The following KCNQ1 variants were observed in gnomAD, a reference collection of about 807,000 sequenced individuals.
KCNQ1 encodes the protein potassium voltage-gated channel subfamily Q member 1.
KCNQ1 carries 49 observed loss-of-function variants against 72.4 expected under a neutral mutation model. The ratio of observed to expected loss-of-function variants is 0.68; its 90% CI spans 0.54 to 0.86. The LOEUF (loss-of-function observed/expected upper bound fraction) is 0.86. Among genes scored for constraint, KCNQ1 ranks in the 40% least tolerant of loss-of-function variants. The pLI, the probability that KCNQ1 is intolerant of heterozygous loss-of-function variation, is 0.00. For synonymous variants in KCNQ1, 450 were observed against 412.6 expected, an observed-to-expected ratio of 1.09 and a Z score of -1.10; for missense variants, 790 against 945.1, an observed-to-expected ratio of 0.84 and a Z score of 2.15.
chr11:2,560,552 A>C, intron 2 of KCNQ1, among the ~76,000 whole-genome samples: 1 of 110,658 alleles, frequency 9.0e-6, no homozygotes, highest in African/African-American at 3.6e-5. Context: ...GGGGGGGGTG[A>C]CGTCCATCCT....
intron 10 of KCNQ1, chr11:2,629,595 T>C (rs1348401347): frequency 2.3e-5 from 9 of 398,408 alleles, no homozygotes; most frequent in Non-Finnish European, 4.0e-5. Flanking sequence ...AGAATCCATT[T>C]GCCATTGAAT....
intron 2 of KCNQ1, among the ~76,000 whole-genome samples, chr11:2,554,642 A>C (rs530913064): frequency 3.9e-5 from 6 of 152,284 alleles, no homozygotes; most frequent in African/African-American, 1.4e-4. Context: ...CAAAGATCAG[A>C]CTTTCTCTGT....
rs1846045868 is a variant in KCNQ1, at chr11:2,446,784, G to A, written c.386+1300G>A. Among the ~76,000 whole-genome samples the A allele has an allele frequency of 1.3e-5, 2 of 152,230 alleles. No homozygotes were observed. Among genetic ancestry groups the A allele is most frequent in the Non-Finnish European group, 2.9e-5 (2 of 68,030 alleles). ...AGCCCCTGTCTCCTGACATGTCAGTGGGTGCCTGAGCCACAGCCGCTGCTG... is the reference window on the plus strand; with the variant it reads ...AGCCCCTGTCTCCTGACATGTCAGTAGGTGCCTGAGCCACAGCCGCTGCTG... On this transcript the variant is annotated intron_variant, in intron 1 of 15. Coordinates refer to ENST00000155840, the MANE Select transcript of KCNQ1 (RefSeq NM_000218.3). The surrounding 1 kb of genome is among the most constrained non-coding windows in gnomAD (Gnocchi z 8.8).
At chr11:2,777,093 T>G in intron 14 of KCNQ1, 61 bp downstream of exon 14, 1 of 1,523,772 alleles carries the variant, frequency 6.6e-7, no homozygotes, top group Non-Finnish European at 9.1e-7. Flanking sequence ...CCCGCACCTC[T>G]GCCCTCCTGG....
rs1053664202 is a variant in KCNQ1 at position 2,787,106 on chromosome 11, C to G, written c.1794+9069C>G. Among the ~76,000 whole-genome samples, 1 of 152,130 alleles carries G rather than the reference C, an allele frequency of 6.6e-6. No individual in the cohort carries two copies. The highest frequency in any genetic ancestry group is 2.4e-5 in the African/African-American group (1 of 41,414). ...GTACTGCCAGCCTGGACTTTTAATT[C>G]TAGGCTCAAAGTTTTCTAGGCCACT... On this transcript the variant is annotated intron_variant, in intron 15 of 15. Coordinates refer to ENST00000155840, the MANE Select transcript of KCNQ1 (RefSeq NM_000218.3). The surrounding 1 kb of genome is among the most constrained non-coding windows in gnomAD (Gnocchi z 6.3).
intron 1 of KCNQ1, among the ~76,000 whole-genome samples, chr11:2,518,706 G>A (rs1193713234): frequency 6.6e-6 from 1 of 152,140 alleles, no homozygotes; most frequent in Non-Finnish European, 1.5e-5. Context: ...GACAATGAGG[G>A]CAGAAATCTT....
chr11:2,624,206 C>G lies in KCNQ1; in HGVS notation c.1393+35352C>G. The G allele has an allele frequency of 5.0e-6, 2 of 398,572 alleles. No individual in the cohort carries two copies. The allele number at this position is 398,572 out of a possible 1,614,324, so 24.7% of individuals were successfully genotyped here. On this transcript the variant is annotated intron_variant, in intron 10 of 15. Transcript: ENST00000155840. The surrounding 1 kb of genome is among the most constrained non-coding windows in gnomAD (Gnocchi z 4.9). Reference sequence around the variant, plus strand: ...ATCTTTTCATATACTTAGTTGCCATCTGTATATCTTCATTGGTGAGATGTC... The same window carrying G: ...ATCTTTTCATATACTTAGTTGCCATGTGTATATCTTCATTGGTGAGATGTC...
Position 2,671,163 on chromosome 11 carries a change from A to C in KCNQ1, c.1514+9082A>C, listed in dbSNP as rs1253080145. Reference sequence around the variant, plus strand: ...GGGAGGCCTGAGGTGCCATCTTAGAAATAGGGCCTTGTTAGGAGAAAAGGA... The same window carrying C: ...GGGAGGCCTGAGGTGCCATCTTAGACATAGGGCCTTGTTAGGAGAAAAGGA... On this transcript the variant is annotated intron_variant, in intron 11 of 15. Coordinates refer to ENST00000155840, the MANE Select transcript of KCNQ1 (RefSeq NM_000218.3). The surrounding 1 kb of genome is among the most constrained non-coding windows in gnomAD (Gnocchi z 4.7). The C allele has an allele frequency of 2.5e-6, 1 of 398,528 alleles. No homozygotes were observed. Among genetic ancestry groups the C allele is most frequent in the Non-Finnish European group, 4.4e-6 (1 of 226,098 alleles). 24.7% of individuals were successfully genotyped at this position (398,528 alleles called of 1,614,324 possible).
intron 11 of KCNQ1, among the ~76,000 whole-genome samples, chr11:2,756,853 G>A (rs11023999): frequency 0.33 from 49,745 of 150,010 alleles, 8,439 homozygotes; most frequent in African/African-American, 0.39. Flanking sequence ...TAGCACAACC[G>A]GGAGAGATTT....
At chr11:2,587,924 G>A (rs1241028329) in intron 9 of KCNQ1, among the ~76,000 whole-genome samples, 1 of 152,198 alleles carries the variant, frequency 6.6e-6, no homozygotes, top group Non-Finnish European at 1.5e-5. Context: ...GCCAGGGCAT[G>A]AGAGCTCCAG....
intron 6 of KCNQ1, among the ~76,000 whole-genome samples, chr11:2,573,369 G>A (rs555202011): frequency 6.6e-6 from 1 of 152,310 alleles, no homozygotes; most frequent in East Asian, 1.9e-4. Context: ...CAGGGCCCAA[G>A]GAGAGCGGCG....
At chr11:2,778,460 C>T (rs1002314408) in intron 15 of KCNQ1, among the ~76,000 whole-genome samples, 6 of 152,158 alleles carry the variant, frequency 3.9e-5, no homozygotes, top group Non-Finnish European at 7.4e-5. Flanking sequence ...TGGGGCCGGC[C>T]GAGGGCTCAG....
intron 1 of KCNQ1, 63 bp from the exon 2 acceptor site, chr11:2,527,865 C>T: frequency 4.7e-6 from 7 of 1,485,858 alleles, no homozygotes; most frequent in Non-Finnish European, 6.6e-6. Context: ...CCCTCCACTC[C>T]CCAGGTGCAT....
chr11:2,633,145 C>A (rs1849390835), intron 10 of KCNQ1: 2 of 398,326 alleles, frequency 5.0e-6, no homozygotes, highest in Non-Finnish European at 8.8e-6. Flanking sequence ...GTGGCTTTGA[C>A]TTGCATTTCT....
chr11:2,587,583 G>T lies in KCNQ1; in HGVS notation c.1142G>T (p.Cys381Phe). ...AASLIQTAWR[C>F]YAAENPDSST... ...GCCCGACCTCAGACCGCATGGAGGT[G>T]CTATGCTGCCGAGAACCCCGACTCC... Residue 381 changes from cysteine (C) to phenylalanine (F), a missense_variant, in exon 9 of 16, where the codon TGC becomes TTC. By Grantham distance (205) the Cys-to-Phe change is radical. This residue lies in a region of KCNQ1 where 178 missense variants were observed against 177.9 expected (regional missense o/e 1.00). Transcript: ENST00000155840. The T allele has an allele frequency of 1.2e-6, 2 of 1,613,816 alleles. No homozygotes were observed. The highest frequency in any genetic ancestry group is 8.5e-7 in the Non-Finnish European group (1 of 1,180,008).
intron 11 of KCNQ1, chr11:2,689,903 T>G (rs916477415): frequency 4.3e-5 from 17 of 398,718 alleles, no homozygotes; most frequent in Non-Finnish European, 7.5e-5. Context: ...GGTTCCCACC[T>G]GCTCCAACTT....
chr11:2,820,196 A>G (rs1435010219), intron 15 of KCNQ1, among the ~76,000 whole-genome samples: 1 of 152,000 alleles, frequency 6.6e-6, no homozygotes, highest in African/African-American at 2.4e-5. Context: ...TTTATTTTCT[A>G]AAATTGCCAT....
At chr11:2,489,423 C>T (rs1846797544) in intron 1 of KCNQ1, among the ~76,000 whole-genome samples, 1 of 152,192 alleles carries the variant, frequency 6.6e-6, no homozygotes, top group Non-Finnish European at 1.5e-5. Flanking sequence ...ACCTTGCCAC[C>T]ACGGGCTAAA....
At chr11:2,461,087 G>T (rs1307497232) in intron 1 of KCNQ1, among the ~76,000 whole-genome samples, 1 of 152,218 alleles carries the variant, frequency 6.6e-6, no homozygotes, top group African/African-American at 2.4e-5. Flanking sequence ...GCTGGGGGCA[G>T]CCTGGGGTGT....
Sources: allele counts gnomAD v4.1 joint callset (sites outside exome capture counted in the v4.1 genomes callset), GRCh38; gene constraint gnomAD v4.1.1; regional missense constraint gnomAD v4.1.1; non-coding constraint Gnocchi (gnomAD v3.1); transcripts MANE v1.5; gene names NCBI Gene and HGNC (gene_info 2026-07-23, HGNC 2026-07-21).